Variants in FGF14 observed in about 807,000 individuals in gnomAD.
FGF14 encodes the protein fibroblast growth factor 14.
Under a neutral mutation model 25.5 loss-of-function variants are expected in FGF14, and 5 were observed. The ratio of observed to expected loss-of-function variants is 0.20; its 90% CI spans 0.10 to 0.41. The LOEUF (loss-of-function observed/expected upper bound fraction) is 0.41. Ranked by LOEUF, FGF14 falls within the 10% of genes least tolerant of loss-of-function variation. The pLI is 1.00. For synonymous variants in FGF14, 138 were observed against 118.3 expected, an observed-to-expected ratio of 1.17 and a Z score of -1.08; for missense variants, 222 against 320.1, an observed-to-expected ratio of 0.69 and a Z score of 2.34.
At chr13:102,015,099 G>A (rs933685554) in intron 1 of FGF14, among the ~76,000 whole-genome samples, 13 of 152,086 alleles carry the variant, frequency 8.5e-5, no homozygotes, top group African/African-American at 3.1e-4. Flanking sequence ...GTAGAGATGG[G>A]GTTTCACCAT....
At chr13:101,771,155 G>T (rs1447961301) in intron 3 of FGF14, among the ~76,000 whole-genome samples, 4 of 151,930 alleles carry the variant, frequency 2.6e-5, no homozygotes, top group Non-Finnish European at 5.9e-5. Flanking sequence ...AAATCAGCAT[G>T]GATCTTCATA....
At chr13:101,776,941 G>A (rs1189862948) in intron 3 of FGF14, among the ~76,000 whole-genome samples, 1 of 152,174 alleles carries the variant, frequency 6.6e-6, no homozygotes, top group Middle Eastern at 3.2e-3. Flanking sequence ...GGCAAGGGTT[G>A]TCTCTCAGGC....
chr13:102,238,350 T>C (rs1166046563), intron 1 of FGF14, among the ~76,000 whole-genome samples: 1 of 152,252 alleles, frequency 6.6e-6, no homozygotes, highest in African/African-American at 2.4e-5. Flanking sequence ...TTCCATCTTC[T>C]GTCCTGTCTT....
intron 3 of FGF14, among the ~76,000 whole-genome samples, chr13:101,830,401 C>G (rs1478145259): frequency 6.6e-6 from 1 of 152,028 alleles, no homozygotes; most frequent in African/African-American, 2.4e-5. Flanking sequence ...AAGTACAGGT[C>G]CCTGGCAGGC....
chr13:101,732,222 T>A lies in FGF14; in HGVS notation c.409-5412A>T, dbSNP rs548062047. 1.6e-3 allele frequency among the ~76,000 whole-genome samples: 243 copies of A among 152,346 alleles called. 1 individual carries two copies. The highest frequency in any genetic ancestry group is 5.7e-3 in the African/African-American group (237 of 41,584). On this transcript the variant is annotated intron_variant, in intron 3 of 4. Transcript: ENST00000376143. ...GCCCACCAACTCCACTTAGTTACTA[T>A]GTCACCTTGGTGTTATCTAAGACTA...
At chr13:102,173,517 T>C (rs753806987) in intron 1 of FGF14, among the ~76,000 whole-genome samples, 2 of 152,158 alleles carry the variant, frequency 1.3e-5, no homozygotes, top group Non-Finnish European at 2.9e-5. Flanking sequence ...CTTGAAGAGA[T>C]ATCTGCACTC....
intron 3 of FGF14, among the ~76,000 whole-genome samples, chr13:101,837,929 A>T (rs1465715992): frequency 6.6e-6 from 1 of 151,982 alleles, no homozygotes; most frequent in East Asian, 1.9e-4. Flanking sequence ...CAGTGCAGCC[A>T]GAATAAAAGC....
chr13:102,309,586 A>G (rs1030631935), intron 1 of FGF14, among the ~76,000 whole-genome samples: 3 of 152,222 alleles, frequency 2.0e-5, no homozygotes, highest in African/African-American at 7.2e-5. Flanking sequence ...CAATTTGGGT[A>G]AAAAGAACTG....
intron 1 of FGF14, among the ~76,000 whole-genome samples, chr13:102,022,143 T>C (rs1020177621): frequency 6.6e-6 from 1 of 151,956 alleles, no homozygotes; most frequent in African/African-American, 2.4e-5. Context: ...CCTTACTCAA[T>C]GGCCTTACTA....
chr13:102,328,415 T>C (rs2056530167), intron 1 of FGF14, among the ~76,000 whole-genome samples: 1 of 152,246 alleles, frequency 6.6e-6, no homozygotes, highest in African/African-American at 2.4e-5. Flanking sequence ...TTATCTTCCA[T>C]ATTTCTAGAA....
chr13:102,082,991 AT>A (rs1156347839), intron 1 of FGF14, among the ~76,000 whole-genome samples: 1 of 152,202 alleles, frequency 6.6e-6, no homozygotes, highest in Non-Finnish European at 1.5e-5. Flanking sequence ...TTGGTAACTC[AT>A]TTAATAATTT....
chr13:101,845,481 C>T (rs1374186050), intron 3 of FGF14, among the ~76,000 whole-genome samples: 1 of 151,870 alleles, frequency 6.6e-6, no homozygotes, highest in Admixed American at 6.6e-5. Flanking sequence ...CTTGAAAATA[C>T]CCAATGGCAG....
chr13:102,124,357 G>C (rs2045861467), intron 1 of FGF14, among the ~76,000 whole-genome samples: 1 of 150,738 alleles, frequency 6.6e-6, no homozygotes, highest in South Asian at 2.1e-4. Flanking sequence ...CAGTAATTTT[G>C]ACCACCAAAA....
chr13:101,720,032 AGTT>A lies in FGF14; in HGVS notation c.*2796_*2798del, dbSNP rs1232876200. On this transcript the variant is annotated 3_prime_UTR_variant, in exon 5 of 5. Coordinates refer to ENST00000376143, the MANE Select transcript of FGF14 (RefSeq NM_004115.4). Reference sequence around the variant, plus strand: ...AATGCAATGCCATTTTGTTACATAAAGTTGTTTGATGTTTTTTAATATGCCTTC... The same window carrying A: ...AATGCAATGCCATTTTGTTACATAAAGTTTGATGTTTTTTAATATGCCTTC... 2 of 152,162 alleles carry A rather than the reference AGTT, an allele frequency of 1.3e-5. No individual in the cohort carries two copies. Among genetic ancestry groups the A allele is most frequent in the African/African-American group, 2.4e-5 (1 of 41,452 alleles). 9.4% of individuals were successfully genotyped at this position (152,162 alleles called of 1,614,324 possible). A position where few individuals can be genotyped will look rare whatever the true frequency, so the allele number is the denominator to read the frequency against.
intron 3 of FGF14, among the ~76,000 whole-genome samples, chr13:101,754,489 G>C (rs910966955): frequency 5.9e-5 from 9 of 152,256 alleles, no homozygotes; most frequent in Non-Finnish European, 8.8e-5. Flanking sequence ...AGCACTTTGG[G>C]AGGGTGAAGC....
chr13:101,843,047 G>C (rs2043269099), intron 3 of FGF14, among the ~76,000 whole-genome samples: 1 of 152,050 alleles, frequency 6.6e-6, no homozygotes, highest in South Asian at 2.1e-4. Flanking sequence ...TATGTATTAA[G>C]CACCTGTAGT....
intron 1 of FGF14, among the ~76,000 whole-genome samples, chr13:102,215,409 T>C (rs935454761): frequency 3.9e-5 from 6 of 152,196 alleles, no homozygotes; most frequent in Non-Finnish European, 7.3e-5. Flanking sequence ...TACTCCTTTA[T>C]TTTTTTCTCT....
At chr13:102,015,979 G>A (rs1160711362) in intron 1 of FGF14, among the ~76,000 whole-genome samples, 1 of 152,148 alleles carries the variant, frequency 6.6e-6, no homozygotes, top group Non-Finnish European at 1.5e-5. Flanking sequence ...TAGGCTGAGA[G>A]ATTAGAGCAC....
chr13:101,968,565 C>T (rs1338957099), intron 1 of FGF14, among the ~76,000 whole-genome samples: 11 of 150,552 alleles, frequency 7.3e-5, no homozygotes, highest in Admixed American at 2.0e-4. Flanking sequence ...CCCAGCTACT[C>T]GGGAGGCTGA....
Sources: gnomAD v4.1 joint callset for allele counts (sites outside exome capture counted in the v4.1 genomes callset) on GRCh38, gnomAD v4.1.1 for gene constraint, MANE v1.5 for transcripts, NCBI Gene and HGNC (gene_info 2026-07-23, HGNC 2026-07-21) for gene names.